Variants in EPS8 observed in about 807,000 individuals in gnomAD.
The protein encoded by EPS8 is epidermal growth factor receptor kinase substrate 8.
In EPS8, 42 loss-of-function variants were observed where a neutral mutation model predicts 103.8. The observed-to-expected ratio is 0.40, with a 90% CI of 0.32 to 0.52. EPS8 has a LOEUF of 0.52. Ranked by LOEUF, EPS8 falls within the 20% of genes least tolerant of loss-of-function variation. The pLI, the probability that EPS8 is intolerant of heterozygous loss-of-function variation, is 0.40. For synonymous variants in EPS8, 344 were observed against 344.6 expected, an observed-to-expected ratio of 1.00 and a Z score of 0.02; for missense variants, 969 against 1,005.1, an observed-to-expected ratio of 0.96 and a Z score of 0.49.
rs1446824334 is a variant in EPS8 at position 15,660,608 on chromosome 12, A to T, written c.937+6T>A. 7.4e-7 allele frequency: 1 copy of T among 1,354,102 alleles called. No homozygotes were observed. The highest frequency in any genetic ancestry group is 1.1e-6 in the Non-Finnish European group (1 of 943,330). The allele number at this position is 1,354,102 out of a possible 1,614,324, so 83.9% of individuals were successfully genotyped here. A position where few individuals can be genotyped will look rare whatever the true frequency, so the allele number is the denominator to read the frequency against. ...GGCATTAGAAGATTAAGAAAATCCA[A>T]CTTACCTCCTGGTCCTTTCCTTTTA... On this transcript the variant is annotated splice_donor_region_variant and intron_variant, in intron 10 of 20. Coordinates refer to ENST00000281172, the MANE Select transcript of EPS8 (RefSeq NM_004447.6).
At chr12:15,644,903 C>T (rs759132152) in intron 15 of EPS8, among the ~76,000 whole-genome samples, 5 of 152,042 alleles carry the variant, frequency 3.3e-5, no homozygotes, top group Non-Finnish European at 5.9e-5. Context: ...CAACATAGAA[C>T]ATCAATGATT....
chr12:15,653,304 A>G (rs117699645), intron 13 of EPS8, among the ~76,000 whole-genome samples: 1 of 152,272 alleles, frequency 6.6e-6, no homozygotes, highest in East Asian at 1.9e-4. Flanking sequence ...TCACACCTCT[A>G]TTCACAAAGT....
intron 3 of EPS8, among the ~76,000 whole-genome samples, chr12:15,671,541 A>G (rs1402923465): frequency 6.6e-6 from 1 of 152,140 alleles, no homozygotes; most frequent in African/African-American, 2.4e-5. Flanking sequence ...AAAAACAAGA[A>G]AGTCAGGTAG....
chr12:15,744,044 A>G (rs1233841335), intron 1 of EPS8, among the ~76,000 whole-genome samples: 2 of 152,158 alleles, frequency 1.3e-5, no homozygotes, highest in Non-Finnish European at 2.9e-5. Flanking sequence ...GAATCTACAA[A>G]GAACTTAAAC....
chr12:15,671,938 T>G (rs571593733), intron 3 of EPS8: 1 of 152,274 alleles, frequency 6.6e-6, no homozygotes, highest in African/African-American at 2.4e-5. Context: ...TGTTCCAGCT[T>G]CGGCTCTGTC....
intron 6 of EPS8, among the ~76,000 whole-genome samples, chr12:15,668,559 T>A (rs1591837580): frequency 1.3e-5 from 2 of 152,354 alleles, no homozygotes; most frequent in South Asian, 4.1e-4. Flanking sequence ...ATTATAATCA[T>A]TTGAAATTAC....
chr12:15,640,194 A>T (rs549899592), intron 17 of EPS8, among the ~76,000 whole-genome samples: 1 of 152,308 alleles, frequency 6.6e-6, no homozygotes, highest in South Asian at 2.1e-4. Context: ...AAATCAAGAG[A>T]GGAAAAATAT....
At chr12:15,775,716 C>T (rs796861699) in intron 1 of EPS8, among the ~76,000 whole-genome samples, 14 of 152,120 alleles carry the variant, frequency 9.2e-5, no homozygotes, top group African/African-American at 3.1e-4. Context: ...TCTAACATCA[C>T]GCAGTCCACA....
At chr12:15,685,261 A>G (rs1166006209) in intron 1 of EPS8, among the ~76,000 whole-genome samples, 2 of 152,160 alleles carry the variant, frequency 1.3e-5, no homozygotes, top group Non-Finnish European at 2.9e-5. Context: ...CTCTGTCTCA[A>G]TGTCCTCGTC....
At chr12:15,668,423 T>C (rs1945754795) in intron 6 of EPS8, among the ~76,000 whole-genome samples, 1 of 152,234 alleles carries the variant, frequency 6.6e-6, no homozygotes. Flanking sequence ...ATCATCAAAA[T>C]GTTAAATCAC....
At chr12:15,670,602 C>G (rs948149246) in intron 4 of EPS8, among the ~76,000 whole-genome samples, 1 of 151,972 alleles carries the variant, frequency 6.6e-6, no homozygotes, top group Non-Finnish European at 1.5e-5. Context: ...AGCCATTATT[C>G]TATTATAAGT....
At chr12:15,661,905 G>T (rs1945611769) in intron 9 of EPS8, 121 bp downstream of exon 9, 2 of 740,796 alleles carry the variant, frequency 2.7e-6, no homozygotes, top group South Asian at 1.9e-5. Context: ...AGCCATCACA[G>T]GTAACAGAAA....
At chr12:15,720,747 C>CTTA (rs1471659633) in intron 1 of EPS8, among the ~76,000 whole-genome samples, 1 of 152,158 alleles carries the variant, frequency 6.6e-6, no homozygotes, top group Non-Finnish European at 1.5e-5. Context: ...TTTCCTTCTT[C>CTTA]TATGACCTCC....
At chr12:15,786,062 A>ACT (rs1947307818) in intron 1 of EPS8, among the ~76,000 whole-genome samples, 1 of 151,934 alleles carries the variant, frequency 6.6e-6, no homozygotes, top group Non-Finnish European at 1.5e-5. Flanking sequence ...GGGAAGCATA[A>ACT]CTCTCTACTC....
chr12:15,626,224 T>C (rs1260751495), intron 18 of EPS8, among the ~76,000 whole-genome samples: 1 of 152,206 alleles, frequency 6.6e-6, no homozygotes, highest in Admixed American at 6.5e-5. Flanking sequence ...GTATTTTTTC[T>C]GTTGCCAGCT....
At chr12:15,783,553 A>G (rs75586938) in intron 1 of EPS8, among the ~76,000 whole-genome samples, 42 of 152,282 alleles carry the variant, frequency 2.8e-4, no homozygotes, top group African/African-American at 8.9e-4. Context: ...GCTGGTGCAT[A>G]CATCAACTGC....
rs1947206932 is a variant in EPS8 at position 15,776,384 on chromosome 12, A to G, written c.-22+12777T>C. Among the ~76,000 whole-genome samples, 1 of 152,158 alleles carries G rather than the reference A, an allele frequency of 6.6e-6. No individual in the cohort carries two copies. Among genetic ancestry groups the G allele is most frequent in the Admixed American group, 6.6e-5 (1 of 15,264 alleles). On this transcript the variant is annotated intron_variant, in intron 1 of 20. Transcript: ENST00000281172. The surrounding 1 kb of genome is among the most constrained non-coding windows in gnomAD (Gnocchi z 4.2). ...ATCCGGTACTCTTTTGGAAGAGAGAAAAAAACAGCTGGCTTAGGTGAGTGA... is the reference window on the plus strand; with the variant it reads ...ATCCGGTACTCTTTTGGAAGAGAGAGAAAAACAGCTGGCTTAGGTGAGTGA...
At position 15,761,232 on chromosome 12, in the gene EPS8, A is replaced by G. The variant is rs1947038358; in HGVS notation, c.-22+27929T>C. ...TAAATACCTAGGAATTAACTAAAGA[A>G]GTGAAGAATCTCTATCATGAAAACT... On this transcript the variant is annotated intron_variant, in intron 1 of 20. Transcript: ENST00000281172. The surrounding 1 kb of genome is among the most constrained non-coding windows in gnomAD (Gnocchi z 4.5). 6.6e-6 allele frequency among the ~76,000 whole-genome samples: 1 copy of G among 152,072 alleles called. No homozygotes were observed. The highest frequency in any genetic ancestry group is 2.4e-5 in the African/African-American group (1 of 41,454).
chr12:15,668,542 A>C (rs1945756666), intron 6 of EPS8, among the ~76,000 whole-genome samples: 1 of 152,262 alleles, frequency 6.6e-6, no homozygotes, highest in African/African-American at 2.4e-5. Flanking sequence ...CCAATAAAGC[A>C]TCACAAATTA....
Sources: gnomAD v4.1 joint callset for allele counts (sites outside exome capture counted in the v4.1 genomes callset) on GRCh38, gnomAD v4.1.1 for gene constraint, Gnocchi (gnomAD v3.1) non-coding constraint, MANE v1.5 for transcripts, NCBI Gene and HGNC (gene_info 2026-07-23, HGNC 2026-07-21) for gene names.